The following WDR97 variants were observed in gnomAD, a reference collection of about 807,000 sequenced individuals.
WDR97 encodes WD repeat domain 97.
Under a neutral mutation model 65.4 loss-of-function variants are expected in WDR97, and 111 were observed. The observed-to-expected ratio is 1.70, with a 90% CI of 1.45 to 1.99. The LOEUF (loss-of-function observed/expected upper bound fraction) is 1.99. WDR97 is among the 30% of genes most tolerant of loss of function. The probability of loss-of-function intolerance (pLI) is 0.00; values close to 1 mark genes in which losing one functional copy is unlikely to be tolerated. For missense variants in WDR97, 1,674 were observed against 865.0 expected (o/e 1.94, Z -11.73); for synonymous variants, 802 against 397.7 (o/e 2.02, Z -12.10).
chr8:144,113,454 C>G lies in WDR97; in HGVS notation c.3120C>G (p.Pro1040=), dbSNP rs1489691104. ...CCCACCTCCAGCACTGCCTGAGGCCCATCTGCTTCCCCGGCTATGTGCCCA... is the reference window on the plus strand; with the variant it reads ...CCCACCTCCAGCACTGCCTGAGGCCGATCTGCTTCCCCGGCTATGTGCCCA... The part of the protein sequence containing the change: ...TVQPHKHCLR[P]ICFPGYVPNS... Residue 1040 remains proline, a synonymous_variant, in exon 16 of 24, where the codon CCC becomes CCG. Transcript: ENST00000323662. 5.7e-6 allele frequency: 4 copies of G among 702,250 alleles called. No individual in the cohort carries two copies. Among genetic ancestry groups the G allele is most frequent in the African/African-American group, 5.2e-5 (3 of 57,266 alleles). 43.5% of individuals were successfully genotyped at this position (702,250 alleles called of 1,614,324 possible).
At position 144,110,470 on chromosome 8, in the gene WDR97, G is replaced by A; in HGVS notation, c.1973G>A (p.Gly658Asp). The change falls in exon 7 of 24, where the codon GGC becomes GAC. Residue 658 changes from glycine (G) to aspartate (D), a missense_variant. Transcript: ENST00000323662. ...GCGCTAGGCAGACGCGTCACCGCGG[G>A]CTTTGAGGACCCAGACAGCGCTACC... is the stretch of plus-strand genomic sequence containing the variant. ...LCALGRRVTA[G>D]FEDPDSATYG... 2 of 702,996 alleles carry A rather than the reference G, an allele frequency of 2.8e-6. No individual in the cohort carries two copies. The highest frequency in any genetic ancestry group is 5.2e-6 in the Non-Finnish European group (2 of 384,962). 43.5% of individuals were successfully genotyped at this position (702,996 alleles called of 1,614,324 possible). A position where few individuals can be genotyped will look rare whatever the true frequency, so the allele number is the denominator to read the frequency against.
At position 144,115,434 on chromosome 8, in the gene WDR97, G is replaced by C. The variant is rs1227698168; in HGVS notation, c.4171G>C (p.Gly1391Arg). The part of the protein sequence containing the change: ...GTSWSASGIF[G>R]RLSQVSEVPL... ...CTCCTGGTCGGCCTCCGGCATCTTC[G>C]GGAGGCTCTCGCAGGTCTCAGAGGT... Residue 1391 changes from glycine to arginine, a missense_variant, in exon 22 of 24, where the codon GGG (glycine) becomes CGG (arginine). By Grantham distance (125) the Gly-to-Arg change is moderately radical (BLOSUM62 -2). Coordinates refer to ENST00000323662, the MANE Select transcript of WDR97 (RefSeq NM_001316309.2). 1.5e-6 allele frequency: 1 copy of C among 685,444 alleles called. No homozygotes were observed. Among genetic ancestry groups the C allele is most frequent in the East Asian group, 2.7e-5 (1 of 36,696 alleles). 42.5% of individuals were successfully genotyped at this position (685,444 alleles called of 1,614,324 possible). A position where few individuals can be genotyped will look rare whatever the true frequency, so the allele number is the denominator to read the frequency against.
intron 9 of WDR97, 33 bp from the exon 10 acceptor site, chr8:144,111,068 C>T: frequency 1.4e-6 from 1 of 702,760 alleles, no homozygotes; most frequent in South Asian, 1.5e-5. Flanking sequence ...CAGGTTCCCC[C>T]AGCCAGGGAT....
At position 144,109,835 on chromosome 8, in the gene WDR97, G is replaced by A. The variant is rs1305300415; in HGVS notation, c.1501G>A (p.Ala501Thr). 3 of 690,918 alleles carry A rather than the reference G, an allele frequency of 4.3e-6. No individual in the cohort carries two copies. The highest frequency in any genetic ancestry group is 7.9e-6 in the Non-Finnish European group (3 of 379,674). The allele number at this position is 690,918 out of a possible 1,614,324, so 42.8% of individuals were successfully genotyped here. A position where few individuals can be genotyped will look rare whatever the true frequency, so the allele number is the denominator to read the frequency against. ...LLTRAGHLVR[A>T]NAARCPMSVL... ...GACCAGGGCTGGGCACCTGGTCCGC[G>A]CCAACGCGGCGCGCTGCCCCATGAG... Residue 501 changes from alanine (A) to threonine (T), a missense_variant, in exon 5 of 24, where the codon GCC becomes ACC. Physicochemically the swap from Ala to Thr is moderately conservative, Grantham distance 58. Transcript: ENST00000323662.
Position 144,109,888 on chromosome 8 carries a change from G to C in WDR97, c.1554G>C (p.Pro518=), listed in dbSNP as rs1199710300. ...TGCTGCACCGCGTGTGCCCGCCGCC[G>C]CCCCCTGCGCCGCAGCCTTGCTGTC... ...MSVLHRVCPP[P]PPAPQPCCLH... is the part of the protein sequence containing the mutation. Residue 518 remains proline, a synonymous_variant, in exon 5 of 24, where the codon CCG becomes CCC. Transcript: ENST00000323662. 1.4e-6 allele frequency: 1 copy of C among 701,446 alleles called. No individual in the cohort carries two copies. The highest frequency in any genetic ancestry group is 1.5e-5 in the South Asian group (1 of 67,536). 43.5% of individuals were successfully genotyped at this position (701,446 alleles called of 1,614,324 possible).
rs1355887669 is a variant in WDR97, at chr8:144,112,314, G to A, written c.2986G>A (p.Ala996Thr). The change falls in exon 14 of 24, where the codon GCC becomes ACC. Residue 996 changes from alanine to threonine, a missense_variant. By Grantham distance (58) the Ala-to-Thr change is moderately conservative (BLOSUM62 0). Coordinates refer to ENST00000323662, the MANE Select transcript of WDR97 (RefSeq NM_001316309.2). ...GCAGCTCCGAGGGAGGACGACCATG[G>A]CCCTGGACCTGCCATCCTCCCACTT... is the stretch of plus-strand genomic sequence containing the variant. Reference protein sequence around the residue: ...LEQLRGRTTMALDLPSSHLQC... With the variant: ...LEQLRGRTTMTLDLPSSHLQC... The A allele has an allele frequency of 1.4e-6, 1 of 702,748 alleles. No individual in the cohort carries two copies. The highest frequency in any genetic ancestry group is 2.0e-5 in the Admixed American group (1 of 50,016). The allele number at this position is 702,748 out of a possible 1,614,324, so 43.5% of individuals were successfully genotyped here.
chr8:144,112,983 C>A, intron 15 of WDR97: 1 of 300,900 alleles, frequency 3.3e-6, no homozygotes, highest in Non-Finnish European at 6.2e-6. Context: ...GCCTCAGCCC[C>A]TCCCCCAGCA....
chr8:144,116,340 T>A lies in WDR97; in HGVS notation c.*47T>A, dbSNP rs2130127723. 2 of 583,640 alleles carry A rather than the reference T, an allele frequency of 3.4e-6. No homozygotes were observed. The highest frequency in any genetic ancestry group is 5.8e-5 in the East Asian group (2 of 34,438). The allele number at this position is 583,640 out of a possible 1,614,324, so 36.2% of individuals were successfully genotyped here. A position where few individuals can be genotyped will look rare whatever the true frequency, so the allele number is the denominator to read the frequency against. On this transcript the variant is annotated 3_prime_UTR_variant, in exon 24 of 24. Transcript: ENST00000323662. ...GCCTGGCTCTGGGGCCTGTCATTGG[T>A]ATTTGGCCAAGGCCTGCATCGGGAA...
rs1836601886 is a variant in WDR97, at chr8:144,114,058, G to T, written c.3490G>T (p.Gly1164Trp). Residue 1164 changes from glycine to tryptophan, a missense_variant, in exon 18 of 24, where the codon GGG becomes TGG. Coordinates refer to ENST00000323662, the MANE Select transcript of WDR97 (RefSeq NM_001316309.2). ...CCACCCTCATCCCTGGCACCGTCAT[G>T]GGAGTTTGCTCTTGGATGAGCATTA... ...RTHPHPWHRH[G>W]SLLLDEHYGH... 1 of 702,730 alleles carries T rather than the reference G, an allele frequency of 1.4e-6. No individual in the cohort carries two copies. Among genetic ancestry groups the T allele is most frequent in the African/African-American group, 1.7e-5 (1 of 57,280 alleles). The allele number at this position is 702,730 out of a possible 1,614,324, so 43.5% of individuals were successfully genotyped here.
Position 144,110,881 on chromosome 8 carries a change from G to A in WDR97, c.2189G>A (p.Gly730Asp), listed in dbSNP as rs1428417174. The A allele has an allele frequency of 1.4e-6, 1 of 702,772 alleles. No homozygotes were observed. The highest frequency in any genetic ancestry group is 2.6e-6 in the Non-Finnish European group (1 of 384,978). 43.5% of individuals were successfully genotyped at this position (702,772 alleles called of 1,614,324 possible). A position where few individuals can be genotyped will look rare whatever the true frequency, so the allele number is the denominator to read the frequency against. The change falls in exon 9 of 24, where the codon GGT becomes GAT. Residue 730 changes from glycine (G) to aspartate (D), a missense_variant. Transcript: ENST00000323662. The stretch of plus-strand genomic sequence containing the variant: ...CTCTCCAGGCTCCTGCAGCTGAATG[G>A]TGCCCCTCAGGCCCTGGCTTTCTGC... ...NRLLRLLQLNGAPQALAFCSN... is the reference protein window; with the variant it reads ...NRLLRLLQLNDAPQALAFCSN...
chr8:144,113,692 C>A lies in WDR97; in HGVS notation c.3219C>A (p.Arg1073=). The part of the protein sequence containing the change: ...GASQDALWLW[R]PRPSQTQWQR... ...GCCAGGATGCCCTGTGGTTGTGGCGCCCCAGGCCATCCCAAACCCAGTGGC... is the reference window on the plus strand; with the variant it reads ...GCCAGGATGCCCTGTGGTTGTGGCGACCCAGGCCATCCCAAACCCAGTGGC... Residue 1073 remains arginine, a synonymous_variant, in exon 17 of 24, where the codon CGC becomes CGA. Transcript: ENST00000323662. The A allele has an allele frequency of 1.5e-6, 1 of 674,470 alleles. No individual in the cohort carries two copies. Among genetic ancestry groups the A allele is most frequent in the South Asian group, 1.6e-5 (1 of 62,810 alleles). The allele number at this position is 674,470 out of a possible 1,614,324, so 41.8% of individuals were successfully genotyped here.
At chr8:144,114,725 A>C in intron 20 of WDR97, 24 bp from the exon 21 acceptor site, 1 of 702,244 alleles carries the variant, frequency 1.4e-6, no homozygotes, top group Non-Finnish European at 2.6e-6. Flanking sequence ...AGGCCTCTGG[A>C]CAAGCCACAT....
At chr8:144,112,836 C>G (rs4075389) in intron 15 of WDR97, 6 of 469,376 alleles carry the variant, frequency 1.3e-5, no homozygotes, top group Admixed American at 7.1e-5. Flanking sequence ...CCCGTGGAGG[C>G]GCTGGGAGGG....
chr8:144,111,088 T>C lies in WDR97; in HGVS notation c.2305-13T>C. On this transcript the variant is annotated splice_polypyrimidine_tract_variant and intron_variant, in intron 9 of 23. Coordinates refer to ENST00000323662, the MANE Select transcript of WDR97 (RefSeq NM_001316309.2). ...TCCCCCAGCCAGGGATACAGGCTCC[T>C]TCCCCTATTCAGAAGATGTGCCGGA... 2.8e-6 allele frequency: 2 copies of C among 702,804 alleles called. No homozygotes were observed. Among genetic ancestry groups the C allele is most frequent in the Non-Finnish European group, 5.2e-6 (2 of 384,976 alleles). The allele number at this position is 702,804 out of a possible 1,614,324, so 43.5% of individuals were successfully genotyped here.
In WDR97 at chr8:144,116,272, G is replaced by A. The variant is rs1836665491; in HGVS notation, c.4848G>A (p.Ala1616=). The A allele has an allele frequency of 3.1e-6, 2 of 654,894 alleles. No homozygotes were observed. Among genetic ancestry groups the A allele is most frequent in the Non-Finnish European group, 2.8e-6 (1 of 360,320 alleles). The allele number at this position is 654,894 out of a possible 1,614,324, so 40.6% of individuals were successfully genotyped here. Reference sequence around the variant, plus strand: ...AGCGCTACTTTCTGCCAGCGGACGCGGACCCTGACACCTACAGCTGACCGG... The same window carrying A: ...AGCGCTACTTTCTGCCAGCGGACGCAGACCCTGACACCTACAGCTGACCGG... ...ALQRYFLPAD[A]DPDTYS Residue 1616 remains alanine, a synonymous_variant, in exon 24 of 24, where the codon GCG becomes GCA. Transcript: ENST00000323662.
rs1836611537 is a variant in WDR97 at position 144,114,480 on chromosome 8, GCC to G, written c.3792+8_3792+9del. On this transcript the variant is annotated splice_donor_region_variant and intron_variant, in intron 19 of 23. Coordinates refer to ENST00000323662, the MANE Select transcript of WDR97 (RefSeq NM_001316309.2). ...GACCAGCCCCCCAGCCTCCAGGTGT[GCC>G]CCTTGTCCTGCCCCCAGTTTTCCTC... 5.7e-6 allele frequency: 4 copies of G among 702,214 alleles called. No homozygotes were observed. Among genetic ancestry groups the G allele is most frequent in the Non-Finnish European group, 1.0e-5 (4 of 384,516 alleles). The allele number at this position is 702,214 out of a possible 1,614,324, so 43.5% of individuals were successfully genotyped here.
At position 144,115,397 on chromosome 8, in the gene WDR97, A is replaced by C. The variant is rs1428907269; in HGVS notation, c.4134A>C (p.Ile1378=). 1 of 640,174 alleles carries C rather than the reference A, an allele frequency of 1.6e-6. No individual in the cohort carries two copies. Among genetic ancestry groups the C allele is most frequent in the East Asian group, 2.8e-5 (1 of 36,266 alleles). The allele number at this position is 640,174 out of a possible 1,614,324, so 39.7% of individuals were successfully genotyped here. A position where few individuals can be genotyped will look rare whatever the true frequency, so the allele number is the denominator to read the frequency against. The change falls in exon 22 of 24, where the codon ATA becomes ATC. Residue 1378 remains isoleucine (I), a synonymous_variant. Transcript: ENST00000323662. ...VSGAPTRASV[I]PSGTSWSASG... The stretch of plus-strand genomic sequence containing the variant: ...GGGCACCCACACGCGCCTCCGTGAT[A>C]CCCTCGGGCACCTCCTGGTCGGCCT...
chr8:144,108,586 C>T lies in WDR97; in HGVS notation c.520C>T (p.Leu174=). The part of the protein sequence containing the change: ...GRFVGWGPAG[L]AILRPNLSLL... ...TTTTGTAGGCTGGGGCCCCGCGGGG[C>T]TGGCAATTCTGAGGCCCAACCTCAG... Residue 174 remains leucine, a synonymous_variant, in exon 3 of 24, where the codon CTG becomes TTG. Coordinates refer to ENST00000323662, the MANE Select transcript of WDR97 (RefSeq NM_001316309.2). The T allele has an allele frequency of 1.4e-6, 1 of 700,838 alleles. No homozygotes were observed. The highest frequency in any genetic ancestry group is 2.6e-6 in the Non-Finnish European group (1 of 384,494). The allele number at this position is 700,838 out of a possible 1,614,324, so 43.4% of individuals were successfully genotyped here.
At position 144,110,307 on chromosome 8, in the gene WDR97, C is replaced by A. The variant is rs1173352387; in HGVS notation, c.1844-34C>A. Reference sequence around the variant, plus strand: ...AGGCCGCCACAGAGCCCCCTCCCCTCCGACAAGGCCCAGCCAGATTCCGCT... The same window carrying A: ...AGGCCGCCACAGAGCCCCCTCCCCTACGACAAGGCCCAGCCAGATTCCGCT... On this transcript the variant is annotated intron_variant, in intron 6 of 23. Transcript: ENST00000323662. 4 of 702,312 alleles carry A rather than the reference C, an allele frequency of 5.7e-6. No homozygotes were observed. The Admixed American group carries it at 8.0e-5, about 14-fold the overall frequency. The allele number at this position is 702,312 out of a possible 1,614,324, so 43.5% of individuals were successfully genotyped here. A position where few individuals can be genotyped will look rare whatever the true frequency, so the allele number is the denominator to read the frequency against.
Sources: allele counts gnomAD v4.1 joint callset, GRCh38; gene constraint gnomAD v4.1.1; transcripts MANE v1.5; gene names NCBI Gene and HGNC (gene_info 2026-07-23, HGNC 2026-07-21).